AKT2: variants seen among roughly 807,000 people sequenced by gnomAD.
The protein encoded by AKT2 is RAC-beta serine/threonine-protein kinase.
Under a neutral mutation model 58.6 loss-of-function variants are expected in AKT2, and 16 were observed. The observed-to-expected ratio is 0.27, with a 90% CI of 0.18 to 0.41. The LOEUF is 0.41. Ranked by LOEUF, AKT2 falls within the 10% of genes least tolerant of loss-of-function variation. The pLI is 1.00. For missense variants in AKT2, 438 were observed against 661.0 expected (o/e 0.66, Z 3.70); for synonymous variants, 253 against 254.0 (o/e 1.00, Z 0.04).
rs919400519 is a variant in AKT2, at chr19:40,234,084, G to A, written c.1367-133C>T. On this transcript the variant is annotated intron_variant, in intron 13 of 13. Coordinates refer to ENST00000392038, the MANE Select transcript of AKT2 (RefSeq NM_001626.6). This position sits in a 1 kb window ranked among gnomAD's most constrained non-coding sequence, Gnocchi z 4.7. Reference sequence around the variant, plus strand: ...CAGGACAGGAAAGGCCCATCCCTCCGCAATGGAGGCCCTCAGCCACGGACC... The same window carrying A: ...CAGGACAGGAAAGGCCCATCCCTCCACAATGGAGGCCCTCAGCCACGGACC... 6.4e-5 allele frequency: 56 copies of A among 875,790 alleles called. No homozygotes were observed. Among genetic ancestry groups the A allele is most frequent in the South Asian group, 3.9e-4 (22 of 57,106 alleles). The allele number at this position is 875,790 out of a possible 1,614,324, so 54.3% of individuals were successfully genotyped here.
chr19:40,247,201 G>A (rs544927113), intron 4 of AKT2, among the ~76,000 whole-genome samples: 7 of 152,338 alleles, frequency 4.6e-5, no homozygotes, highest in Admixed American at 3.9e-4. Flanking sequence ...GCAACATGGC[G>A]TCTGGGGCAA....
rs1413967630 is a variant in AKT2, at chr19:40,232,790, A to T, written c.*1082T>A. ...ACACGCAGTCCGAGGCACGCACAGGAGTCCCACAGCACTGACATGGACGTG... is the reference window on the plus strand; with the variant it reads ...ACACGCAGTCCGAGGCACGCACAGGTGTCCCACAGCACTGACATGGACGTG... On this transcript the variant is annotated 3_prime_UTR_variant, in exon 14 of 14. Transcript: ENST00000392038. 1 of 233,514 alleles carries T rather than the reference A, an allele frequency of 4.3e-6. No individual in the cohort carries two copies. The highest frequency in any genetic ancestry group is 8.5e-6 in the Non-Finnish European group (1 of 118,242). The allele number at this position is 233,514 out of a possible 1,614,324, so 14.5% of individuals were successfully genotyped here.
intron 1 of AKT2, chr19:40,279,158 A>C (rs1444599403): frequency 1.3e-5 from 2 of 152,252 alleles, no homozygotes; most frequent in Admixed American, 1.3e-4. Flanking sequence ...GGCTGGGCTG[A>C]AGAAACTCCT....
At chr19:40,263,410 C>T (rs1025572928) in intron 2 of AKT2, among the ~76,000 whole-genome samples, 2 of 152,214 alleles carry the variant, frequency 1.3e-5, no homozygotes, top group Non-Finnish European at 1.5e-5. Flanking sequence ...AAAATGCCTA[C>T]CCTTGTAGAG....
At chr19:40,255,790 G>A (rs1024160637) in intron 3 of AKT2, among the ~76,000 whole-genome samples, 3 of 152,176 alleles carry the variant, frequency 2.0e-5, no homozygotes, top group Admixed American at 6.5e-5. Flanking sequence ...AAAGAATCTG[G>A]ACTTTGTCCT....
chr19:40,247,548 G>A lies in AKT2; in HGVS notation c.288-4861C>T, dbSNP rs180713377. Among the ~76,000 whole-genome samples the A allele has an allele frequency of 2.1e-3, 318 of 152,274 alleles. 2 individuals are homozygous for A. The highest frequency in any genetic ancestry group is 7.1e-3 in the African/African-American group (294 of 41,548). On this transcript the variant is annotated intron_variant, in intron 4 of 13. Coordinates refer to ENST00000392038, the MANE Select transcript of AKT2 (RefSeq NM_001626.6). Reference sequence around the variant, plus strand: ...CACGAGACTCAGGAGGGTAAAGCAGGGACCCTCTCTAGGGAAGGCTCATGG... The same window carrying A: ...CACGAGACTCAGGAGGGTAAAGCAGAGACCCTCTCTAGGGAAGGCTCATGG...
At chr19:40,254,725 A>C (rs1288998010) in intron 4 of AKT2, among the ~76,000 whole-genome samples, 2 of 152,206 alleles carry the variant, frequency 1.3e-5, no homozygotes, top group East Asian at 3.9e-4. Context: ...GCTACTTGGG[A>C]GGCTGAGGCA....
At chr19:40,268,622 C>A (rs953862187) in intron 1 of AKT2, 3 of 152,546 alleles carry the variant, frequency 2.0e-5, no homozygotes, top group Admixed American at 6.5e-5. Flanking sequence ...AGGCCCTGGC[C>A]GCTGCTGGGA....
chr19:40,234,083 C>CATT lies in AKT2; in HGVS notation c.1367-133_1367-132insAAT. On this transcript the variant is annotated intron_variant, in intron 13 of 13. Coordinates refer to ENST00000392038, the MANE Select transcript of AKT2 (RefSeq NM_001626.6). This position sits in a 1 kb window ranked among gnomAD's most constrained non-coding sequence, Gnocchi z 4.7. ...ACAGGACAGGAAAGGCCCATCCCTC[C>CATT]GCAATGGAGGCCCTCAGCCACGGAC... 3 of 895,012 alleles carry CATT rather than the reference C, an allele frequency of 3.4e-6. No homozygotes were observed. Among genetic ancestry groups the CATT allele is most frequent in the Non-Finnish European group, 5.0e-6 (3 of 602,034 alleles). The allele number at this position is 895,012 out of a possible 1,614,324, so 55.4% of individuals were successfully genotyped here.
intron 1 of AKT2, among the ~76,000 whole-genome samples, chr19:40,273,931 C>A (rs1309681659): frequency 2.0e-5 from 3 of 152,160 alleles, no homozygotes; most frequent in Non-Finnish European, 4.4e-5. Flanking sequence ...TGCCTTGGCC[C>A]CGCCTGCTCT....
intron 4 of AKT2, 106 bp downstream of exon 4, chr19:40,255,052 G>A (rs1975440004): frequency 6.6e-6 from 6 of 904,818 alleles, no homozygotes; most frequent in Non-Finnish European, 1.1e-5. Flanking sequence ...GCGCAGATAG[G>A]AAACCCCTAT....
At chr19:40,272,709 C>T (rs2077237447) in intron 1 of AKT2, among the ~76,000 whole-genome samples, 1 of 152,156 alleles carries the variant, frequency 6.6e-6, no homozygotes, top group Non-Finnish European at 1.5e-5. Flanking sequence ...CTGTCTTAGA[C>T]TTCAGGGCAC....
In AKT2 at chr19:40,232,702, G is replaced by A. The variant is rs1973769156; in HGVS notation, c.*1170C>T. 1 of 233,424 alleles carries A rather than the reference G, an allele frequency of 4.3e-6. No homozygotes were observed. Among genetic ancestry groups the A allele is most frequent in the Non-Finnish European group, 8.5e-6 (1 of 118,224 alleles). The allele number at this position is 233,424 out of a possible 1,614,324, so 14.5% of individuals were successfully genotyped here. On this transcript the variant is annotated 3_prime_UTR_variant, in exon 14 of 14. Coordinates refer to ENST00000392038, the MANE Select transcript of AKT2 (RefSeq NM_001626.6). The stretch of plus-strand genomic sequence containing the variant: ...AGCCCACACACCATGCACACTGGAG[G>A]ACACGCTGCCCTCACACAAACACAC...
At position 40,230,497 on chromosome 19, in the gene AKT2, G is replaced by A. The variant is rs893423826; in HGVS notation, c.*3375C>T. ...AAAAGGGAATCGCACTGCCGCCCCCGACTCCACACAACCATCAGTGCACGA... is the reference window on the plus strand; with the variant it reads ...AAAAGGGAATCGCACTGCCGCCCCCAACTCCACACAACCATCAGTGCACGA... On this transcript the variant is annotated 3_prime_UTR_variant, in exon 14 of 14. Coordinates refer to ENST00000392038, the MANE Select transcript of AKT2 (RefSeq NM_001626.6). The A allele has an allele frequency of 3.5e-5, 8 of 226,286 alleles. No homozygotes were observed. Among genetic ancestry groups the A allele is most frequent in the Admixed American group, 1.7e-4 (3 of 17,514 alleles). The allele number at this position is 226,286 out of a possible 1,614,324, so 14.0% of individuals were successfully genotyped here.
rs1464936397 is a variant in AKT2 at position 40,234,564 on chromosome 19, C to T, written c.1366+481G>A. Reference sequence around the variant, plus strand: ...CGTTTGCTTCCTCCTCTAGAAAGCCCTCCCTAACTGCAGGCCAGGTCGGAT... The same window carrying T: ...CGTTTGCTTCCTCCTCTAGAAAGCCTTCCCTAACTGCAGGCCAGGTCGGAT... On this transcript the variant is annotated intron_variant, in intron 13 of 13. Coordinates refer to ENST00000392038, the MANE Select transcript of AKT2 (RefSeq NM_001626.6). This position sits in a 1 kb window ranked among gnomAD's most constrained non-coding sequence, Gnocchi z 4.7. 1 of 364,612 alleles carries T rather than the reference C, an allele frequency of 2.7e-6. No individual in the cohort carries two copies. The highest frequency in any genetic ancestry group is 5.0e-6 in the Non-Finnish European group (1 of 201,938). The allele number at this position is 364,612 out of a possible 1,614,324, so 22.6% of individuals were successfully genotyped here. A position where few individuals can be genotyped will look rare whatever the true frequency, so the allele number is the denominator to read the frequency against.
In AKT2 at chr19:40,242,742, G is replaced by A. The variant is rs901348440; in HGVS notation, c.288-55C>T. ...GCCAGGAGTCCTGGGCCTCAGAGTC[G>A]AACAGCTGAGTGCCACCTCCCAGCC... On this transcript the variant is annotated intron_variant, in intron 4 of 13. Transcript: ENST00000392038. The surrounding 1 kb of genome is among the most constrained non-coding windows in gnomAD (Gnocchi z 4.3). 27 of 1,590,990 alleles carry A rather than the reference G, an allele frequency of 1.7e-5. No individual in the cohort carries two copies. The highest frequency in any genetic ancestry group is 1.7e-4 in the Middle Eastern group (1 of 6,014).
intron 1 of AKT2, among the ~76,000 whole-genome samples, chr19:40,268,400 G>A (rs1313100377): frequency 6.6e-6 from 1 of 152,228 alleles, no homozygotes; most frequent in Non-Finnish European, 1.5e-5. Flanking sequence ...GAGAAGCAAA[G>A]GCAGCCAGGT....
Position 40,232,563 on chromosome 19 carries a change from C to T in AKT2, c.*1309G>A, listed in dbSNP as rs1356783454. ...AAACTCCAAACACCCAGAGGTGTTGCTACAGGGAGGGGAGGCGTGGGCAGG... is the reference window on the plus strand; with the variant it reads ...AAACTCCAAACACCCAGAGGTGTTGTTACAGGGAGGGGAGGCGTGGGCAGG... On this transcript the variant is annotated 3_prime_UTR_variant, in exon 14 of 14. Coordinates refer to ENST00000392038, the MANE Select transcript of AKT2 (RefSeq NM_001626.6). 8.6e-6 allele frequency: 2 copies of T among 231,884 alleles called. No homozygotes were observed. The highest frequency in any genetic ancestry group is 6.1e-5 in the East Asian group (1 of 16,404). The allele number at this position is 231,884 out of a possible 1,614,324, so 14.4% of individuals were successfully genotyped here.
chr19:40,265,207 A>G lies in AKT2; in HGVS notation c.46+15T>C, dbSNP rs766246362. 1.9e-6 allele frequency: 3 copies of G among 1,612,100 alleles called. No homozygotes were observed. The highest frequency in any genetic ancestry group is 2.5e-6 in the Non-Finnish European group (3 of 1,179,180). On this transcript the variant is annotated intron_variant, in intron 2 of 13. Coordinates refer to ENST00000392038, the MANE Select transcript of AKT2 (RefSeq NM_001626.6). ...CGTGGGAGAAAGAATCTGGCGGGCAAAAGCGGCCTCTTACCACGCTTGTGG... is the reference window on the plus strand; with the variant it reads ...CGTGGGAGAAAGAATCTGGCGGGCAGAAGCGGCCTCTTACCACGCTTGTGG...
Sources: gnomAD v4.1 joint callset for allele counts (sites outside exome capture counted in the v4.1 genomes callset) on GRCh38, gnomAD v4.1.1 for gene constraint, Gnocchi (gnomAD v3.1) non-coding constraint, MANE v1.5 for transcripts, NCBI Gene and HGNC (gene_info 2026-07-23, HGNC 2026-07-21) for gene names.